The following PALB2 variants were observed in gnomAD, a reference collection of about 807,000 sequenced individuals.
PALB2 encodes partner and localizer of BRCA2, also known as mutant partner and localizer of BRCA2.
In PALB2, 82 loss-of-function variants were observed where a neutral mutation model predicts 107.4. The ratio of observed to expected loss-of-function variants is 0.76; its 90% CI spans 0.64 to 0.92. The LOEUF (loss-of-function observed/expected upper bound fraction) is 0.92, where lower values mean the gene tolerates loss of function less well. Among genes scored for constraint, PALB2 ranks in the 40% least tolerant of loss-of-function variants. The pLI is 0.00. For synonymous variants in PALB2, 489 were observed against 496.8 expected, an observed-to-expected ratio of 0.98 and a Z score of 0.21; for missense variants, 1,374 against 1,379.9, an observed-to-expected ratio of 1.00 and a Z score of 0.07.
chr16:23,628,909 T>C (rs540696718), intron 6 of PALB2, among the ~76,000 whole-genome samples: 21 of 152,282 alleles, frequency 1.4e-4, no homozygotes, highest in African/African-American at 4.6e-4. Flanking sequence ...GCTGAGATTA[T>C]AGGGGTGAGC....
intron 11 of PALB2, among the ~76,000 whole-genome samples, chr16:23,610,627 T>C (rs185798691): frequency 2.0e-5 from 3 of 152,166 alleles, no homozygotes; most frequent in African/African-American, 4.8e-5. Flanking sequence ...TTTCTGAAGA[T>C]TGGCTTTATG....
chr16:23,606,368 G>A (rs1227765728), intron 12 of PALB2, among the ~76,000 whole-genome samples: 1 of 152,068 alleles, frequency 6.6e-6, no homozygotes, highest in African/African-American at 2.4e-5. Flanking sequence ...TCGTGCCACT[G>A]CACTCCAGCC....
At chr16:23,638,931 T>C (rs1967133868) in intron 1 of PALB2, among the ~76,000 whole-genome samples, 1 of 152,160 alleles carries the variant, frequency 6.6e-6, no homozygotes, top group Non-Finnish European at 1.5e-5. Flanking sequence ...ATAGGTTACC[T>C]ACGTTTGAGG....
intron 6 of PALB2, among the ~76,000 whole-genome samples, chr16:23,628,454 C>G (rs904961092): frequency 2.0e-5 from 3 of 152,148 alleles, no homozygotes; most frequent in African/African-American, 7.2e-5. Flanking sequence ...ATCTTCAACC[C>G]TACACCTAGG....
intron 4 of PALB2, among the ~76,000 whole-genome samples, chr16:23,632,790 T>G (rs974350831): frequency 1.1e-4 from 17 of 152,230 alleles, no homozygotes; most frequent in African/African-American, 4.1e-4. Flanking sequence ...ACTACAATTA[T>G]AGCAGACTAT....
chr16:23,628,155 G>A (rs1597087180), intron 6 of PALB2, among the ~76,000 whole-genome samples: 2 of 152,212 alleles, frequency 1.3e-5, no homozygotes, highest in Admixed American at 6.5e-5. Context: ...ACCTGTAGGC[G>A]GAGGTTGCAG....
In PALB2 at chr16:23,607,825, G is replaced by C. The variant is rs568248665; in HGVS notation, c.3350+39C>G. On this transcript the variant is annotated intron_variant, in intron 12 of 12. Coordinates refer to ENST00000261584, the MANE Select transcript of PALB2 (RefSeq NM_024675.4). ...TTTTGTGTTTGCACAGTGCCTTTCAGAATGTCCCACCCATAGAGTAGCAGT... is the reference window on the plus strand; with the variant it reads ...TTTTGTGTTTGCACAGTGCCTTTCACAATGTCCCACCCATAGAGTAGCAGT... 6.2e-7 allele frequency: 1 copy of C among 1,612,274 alleles called. No homozygotes were observed. The highest frequency in any genetic ancestry group is 1.1e-5 in the South Asian group (1 of 90,994).
chr16:23,628,774 T>C (rs1966852221), intron 6 of PALB2, among the ~76,000 whole-genome samples: 1 of 152,110 alleles, frequency 6.6e-6, no homozygotes, highest in Non-Finnish European at 1.5e-5. Context: ...GCTGGGATTA[T>C]AGGCGCCCAC....
intron 2 of PALB2, 53 bp downstream of exon 2, chr16:23,638,016 GT>G (rs1198622421): frequency 6.2e-7 from 1 of 1,603,976 alleles, no homozygotes; most frequent in African/African-American, 1.3e-5. Context: ...GTCAAGAACT[GT>G]TTTTAAATTG....
At chr16:23,609,811 T>C (rs546055) in intron 11 of PALB2, among the ~76,000 whole-genome samples, 50,031 of 151,926 alleles carry the variant, frequency 0.33, 8,676 homozygotes, top group African/African-American at 0.44. Flanking sequence ...CCACCGCGCC[T>C]GGCCACCCAA....
intron 1 of PALB2, among the ~76,000 whole-genome samples, chr16:23,639,120 C>T (rs1033002045): frequency 6.6e-6 from 1 of 152,184 alleles, no homozygotes; most frequent in African/African-American, 2.4e-5. Context: ...AGGATTCTCT[C>T]AGCAGCAAAG....
rs773073532 is a variant in PALB2 at position 23,635,955 on chromosome 16, A to G, written c.591T>C (p.Thr197=). ...GTTCAGATTTAAGACTTAAAAGGTG[A>G]GTTCTTATTTCAGTTACTGGTGATC... The part of the protein sequence containing the change: ...PARSPVTEIR[T]HLLSLKSELP... The change falls in exon 4 of 13, where the codon ACT becomes ACC. Residue 197 remains threonine (T), a synonymous_variant. Coordinates refer to ENST00000261584, the MANE Select transcript of PALB2 (RefSeq NM_024675.4). 1 of 1,614,154 alleles carries G rather than the reference A, an allele frequency of 6.2e-7. No homozygotes were observed. Among genetic ancestry groups the G allele is most frequent in the Non-Finnish European group, 8.5e-7 (1 of 1,180,040 alleles).
rs910819413 is a variant in PALB2 at position 23,641,031 on chromosome 16, C to G, written c.48+79G>C. On this transcript the variant is annotated intron_variant, in intron 1 of 12. Coordinates refer to ENST00000261584, the MANE Select transcript of PALB2 (RefSeq NM_024675.4). ...GATGATACTGCTGCCCTCGGACTGC[C>G]GAGGACACAAAGCCAGGCCTAAAAC... The G allele has an allele frequency of 3.6e-5, 55 of 1,537,048 alleles. No homozygotes were observed. The South Asian group carries it at 4.8e-4, about 13-fold the overall frequency.
At chr16:23,610,670 G>A (rs1195324660) in intron 11 of PALB2, among the ~76,000 whole-genome samples, 3 of 152,106 alleles carry the variant, frequency 2.0e-5, no homozygotes, top group Non-Finnish European at 2.9e-5. Flanking sequence ...ACACATGTCT[G>A]TGTGAAATGT....
chr16:23,638,625 A>G (rs1014475890), intron 1 of PALB2: 3 of 448,320 alleles, frequency 6.7e-6, no homozygotes, highest in African/African-American at 6.0e-5. Flanking sequence ...CTATGTGTCA[A>G]TTAGTGCTCC....
At chr16:23,606,822 T>C (rs1966484797) in intron 12 of PALB2, among the ~76,000 whole-genome samples, 1 of 64,914 alleles carries the variant, frequency 1.5e-5, no homozygotes. Flanking sequence ...TGCACCCTGC[T>C]TTTTTTTTTT....
chr16:23,616,212 G>T (rs904146264), intron 10 of PALB2, among the ~76,000 whole-genome samples: 1 of 151,914 alleles, frequency 6.6e-6, no homozygotes, highest in African/African-American at 2.4e-5. Flanking sequence ...CCTCCAAGCT[G>T]CATGAACTCA....
chr16:23,636,634 A>AT (rs1275615385), intron 3 of PALB2, among the ~76,000 whole-genome samples: 3 of 152,250 alleles, frequency 2.0e-5, no homozygotes, highest in Non-Finnish European at 4.4e-5. Context: ...AAAAGTTCTG[A>AT]TTTTTTAAAT....
chr16:23,636,832 C>T (rs182464122), intron 3 of PALB2, among the ~76,000 whole-genome samples: 9 of 152,178 alleles, frequency 5.9e-5, no homozygotes, highest in Admixed American at 5.2e-4. Context: ...AATAACACTC[C>T]CATTTCAATA....
Sources: allele counts gnomAD v4.1 joint callset (sites outside exome capture counted in the v4.1 genomes callset), GRCh38; gene constraint gnomAD v4.1.1; transcripts MANE v1.5; gene names NCBI Gene and HGNC (gene_info 2026-07-23, HGNC 2026-07-21).